OPHN1: variants seen among roughly 807,000 people sequenced by gnomAD.
OPHN1 encodes the protein oligophrenin-1.
A neutral mutation model predicts 60.7 loss-of-function variants in OPHN1; 11 were observed. That is an observed-to-expected ratio of 0.18 (90% CI 0.11 to 0.30). The LOEUF is 0.30. OPHN1 is among the 10% of genes least tolerant of loss of function. OPHN1 has a pLI of 1.00. For synonymous variants in OPHN1, 226 were observed against 222.6 expected, an observed-to-expected ratio of 1.02 and a Z score of -0.14; for missense variants, 449 against 611.0, an observed-to-expected ratio of 0.73 and a Z score of 2.80.
intron 2 of OPHN1, among the ~76,000 whole-genome samples, chrX:68,431,907 C>A (rs2078887918): frequency 9.0e-6 from 1 of 111,516 alleles, no homozygotes; most frequent in South Asian, 3.8e-4. Flanking sequence ...AATCATCTTT[C>A]AGCCAAGAGA....
chrX:68,300,344 C>T (rs978341363), intron 2 of OPHN1, among the ~76,000 whole-genome samples: 1 of 112,316 alleles, frequency 8.9e-6, no homozygotes, highest in African/African-American at 3.2e-5. Context: ...AAGCATTTGG[C>T]TGAAACAAAT....
chrX:68,396,944 G>A (rs1016219827), intron 2 of OPHN1, among the ~76,000 whole-genome samples: 3 of 111,964 alleles, frequency 2.7e-5, no homozygotes, highest in Admixed American at 1.9e-4. Context: ...CCCCCCAGGG[G>A]CATAGGACTC....
chrX:68,403,284 G>A (rs1446532372), intron 2 of OPHN1, among the ~76,000 whole-genome samples: 5 of 111,569 alleles, frequency 4.5e-5, no homozygotes, highest in Admixed American at 9.6e-5. Context: ...TCAGAGCCCA[G>A]ATACAGAACC....
intron 6 of OPHN1, among the ~76,000 whole-genome samples, chrX:68,224,084 A>G (rs911258393): frequency 5.4e-5 from 6 of 111,699 alleles, no homozygotes; most frequent in Non-Finnish European, 1.1e-4. Context: ...TGACCTGAAC[A>G]GCACCATTGA....
chrX:68,157,712 T>C (rs1273686953), intron 15 of OPHN1, among the ~76,000 whole-genome samples: 1 of 54,251 alleles, frequency 1.8e-5, no homozygotes, highest in Non-Finnish European at 5.9e-5. Flanking sequence ...GAAATTTAAA[T>C]AAATAACAAA....
At chrX:68,121,558 A>G (rs1332182902) in intron 15 of OPHN1, among the ~76,000 whole-genome samples, 3 of 110,785 alleles carry the variant, frequency 2.7e-5, no homozygotes, top group African/African-American at 9.8e-5. Flanking sequence ...TTGACACTGC[A>G]GGCTAAAGTG....
chrX:68,306,800 G>T (rs1440478658), intron 2 of OPHN1, among the ~76,000 whole-genome samples: 1 of 111,488 alleles, frequency 9.0e-6, no homozygotes, highest in Non-Finnish European at 1.9e-5. Flanking sequence ...GCAGCTCACT[G>T]CAGCCTTGAC....
chrX:68,366,882 T>G (rs1163260852), intron 2 of OPHN1, among the ~76,000 whole-genome samples: 2 of 111,742 alleles, frequency 1.8e-5, no homozygotes, highest in African/African-American at 6.5e-5. Flanking sequence ...GTAGGTACTA[T>G]CTTTATACCC....
chrX:68,278,904 A>T (rs1035207462), intron 4 of OPHN1, among the ~76,000 whole-genome samples: 2 of 109,402 alleles, frequency 1.8e-5, no homozygotes, highest in African/African-American at 6.6e-5. Context: ...AAATAAAAAA[A>T]ATTTTTTTTT....
intron 18 of OPHN1, among the ~76,000 whole-genome samples, chrX:68,107,080 C>T (rs761794512): frequency 1.2e-3 from 131 of 111,996 alleles, no homozygotes; most frequent in Non-Finnish European, 2.3e-3. Context: ...CAGCATTCAT[C>T]ATCAAAGAAT....
chrX:68,199,528 A>G (rs1463853200), intron 11 of OPHN1, among the ~76,000 whole-genome samples: 2 of 111,878 alleles, frequency 1.8e-5, no homozygotes, highest in East Asian at 2.8e-4. Flanking sequence ...TGACATAGAA[A>G]AAGTGGCTCC....
chrX:68,400,924 AT>A (rs1302079930), intron 2 of OPHN1, among the ~76,000 whole-genome samples: 2 of 110,950 alleles, frequency 1.8e-5, no homozygotes, highest in East Asian at 5.7e-4. Context: ...TGTTGTTGTT[AT>A]TTTTTCTTTC....
intron 10 of OPHN1, 114 bp downstream of exon 10, chrX:68,206,459 T>C (rs2077559794): frequency 6.9e-6 from 4 of 583,584 alleles, no homozygotes; most frequent in South Asian, 2.5e-5. Flanking sequence ...TATAAAGTCA[T>C]GGCCTCACGT....
chrX:68,225,478 G>A (rs1311392562), intron 6 of OPHN1, among the ~76,000 whole-genome samples: 8 of 111,799 alleles, frequency 7.2e-5, no homozygotes, highest in African/African-American at 2.6e-4. Context: ...TCCCAGTAGG[G>A]GCCAACTGAC....
At chrX:68,181,815 A>G (rs12391147) in intron 15 of OPHN1, among the ~76,000 whole-genome samples, 38,790 of 110,542 alleles carry the variant, frequency 0.35, 5,586 homozygotes, top group African/African-American at 0.52. Flanking sequence ...GCAACAGAGC[A>G]AGACTCCATC....
intron 2 of OPHN1, among the ~76,000 whole-genome samples, chrX:68,426,547 C>CTGATATA (rs1166129977): frequency 4.3e-3 from 59 of 13,698 alleles, no homozygotes; most frequent in Non-Finnish European, 0.015. Context: ...TTTCTGACAT[C>CTGATATA]TGTTTTATAT....
At chrX:68,285,335 C>A (rs1602297271) in intron 3 of OPHN1, among the ~76,000 whole-genome samples, 1 of 110,949 alleles carries the variant, frequency 9.0e-6, no homozygotes, top group Non-Finnish European at 1.9e-5. Flanking sequence ...TATCTTTGTT[C>A]TTTTTTAACA....
chrX:68,260,963 C>A (rs960016694), intron 5 of OPHN1, among the ~76,000 whole-genome samples: 1 of 111,746 alleles, frequency 8.9e-6, no homozygotes, highest in Admixed American at 9.5e-5. Context: ...TCTCATCTAC[C>A]TCCAGAACAG....
At chrX:68,207,914 A>C (rs1263932242) in intron 9 of OPHN1, among the ~76,000 whole-genome samples, 1 of 110,694 alleles carries the variant, frequency 9.0e-6, no homozygotes, top group African/African-American at 3.3e-5. Context: ...GGGCCCTACA[A>C]ATCAACTATG....
Sources: gnomAD v4.1 joint callset for allele counts (sites outside exome capture counted in the v4.1 genomes callset) on GRCh38, gnomAD v4.1.1 for gene constraint, MANE v1.5 for transcripts, NCBI Gene and HGNC (gene_info 2026-07-23, HGNC 2026-07-21) for gene names.